RBMS3: variants seen among roughly 807,000 people sequenced by gnomAD.
RBMS3 encodes RNA binding motif single stranded interacting protein 3.
Under a neutral mutation model 66.8 loss-of-function variants are expected in RBMS3, and 27 were observed. The ratio of observed to expected loss-of-function variants is 0.40; its 90% CI spans 0.30 to 0.56. The LOEUF (loss-of-function observed/expected upper bound fraction) is 0.56, where lower values mean the gene tolerates loss of function less well. Among genes scored for constraint, RBMS3 ranks in the 20% least tolerant of loss-of-function variants. RBMS3 has a pLI of 0.40. For synonymous variants in RBMS3, 188 were observed against 183.0 expected (o/e 1.03, Z -0.22); for missense variants, 513 against 549.5 (o/e 0.93, Z 0.66).
chr3:29,675,259 T>G (rs2051194412), intron 4 of RBMS3, among the ~76,000 whole-genome samples: 1 of 152,162 alleles, frequency 6.6e-6, no homozygotes, highest in South Asian at 2.1e-4. Flanking sequence ...TCCTTACACC[T>G]TATACAACAA....
At chr3:29,702,768 G>A (rs1236254395) in intron 4 of RBMS3, among the ~76,000 whole-genome samples, 2 of 152,152 alleles carry the variant, frequency 1.3e-5, no homozygotes, top group African/African-American at 4.8e-5. Flanking sequence ...TGAAGCCAGC[G>A]AGACCACGAA....
chr3:29,555,485 G>A (rs535337822), intron 3 of RBMS3, among the ~76,000 whole-genome samples: 4 of 152,060 alleles, frequency 2.6e-5, no homozygotes, highest in African/African-American at 7.2e-5. Flanking sequence ...CAAGTAATCC[G>A]TCTGCTTGAG....
intron 1 of RBMS3, among the ~76,000 whole-genome samples, chr3:29,415,204 A>T (rs4680832): frequency 0.1 from 15,973 of 152,274 alleles, 1,161 homozygotes; most frequent in East Asian, 0.29. Flanking sequence ...TTGGATGTTT[A>T]GACAGAAAAC....
chr3:29,367,479 C>T (rs1451906199), intron 1 of RBMS3, among the ~76,000 whole-genome samples: 3 of 151,998 alleles, frequency 2.0e-5, no homozygotes, highest in African/African-American at 7.2e-5. Context: ...TTGGTATAAT[C>T]ACAGATGTTT....
At chr3:29,930,105 C>CTTTTTTT (rs2061071164) in intron 10 of RBMS3, among the ~76,000 whole-genome samples, 3 of 27,380 alleles carry the variant, frequency 1.1e-4, no homozygotes, top group African/African-American at 3.1e-4. Context: ...ACTTTTCTTT[C>CTTTTTTT]TTTCTTTTTT....
At chr3:29,491,713 G>T (rs1165780209) in intron 3 of RBMS3, among the ~76,000 whole-genome samples, 1 of 152,214 alleles carries the variant, frequency 6.6e-6, no homozygotes, top group African/African-American at 2.4e-5. Context: ...CAGCGGTTAG[G>T]CCGGGCGCAG....
At chr3:29,656,737 C>A (rs1394222154) in intron 4 of RBMS3, among the ~76,000 whole-genome samples, 2 of 152,166 alleles carry the variant, frequency 1.3e-5, no homozygotes, top group Non-Finnish European at 2.9e-5. Context: ...ACCTAAGGCT[C>A]TGACCCATAA....
chr3:29,928,980 G>A (rs2061031815), intron 10 of RBMS3, among the ~76,000 whole-genome samples: 1 of 152,152 alleles, frequency 6.6e-6, no homozygotes, highest in Admixed American at 6.6e-5. Flanking sequence ...CTTCTGAAGT[G>A]GCCTGGGATC....
chr3:29,767,156 G>C (rs1043082063), intron 6 of RBMS3: 13 of 151,884 alleles, frequency 8.6e-5, no homozygotes, highest in Admixed American at 3.3e-4. Flanking sequence ...GTGGGGCATG[G>C]ACTTGAAAGG....
intron 2 of RBMS3, among the ~76,000 whole-genome samples, chr3:29,447,997 C>T (rs1306961087): frequency 1.3e-5 from 2 of 152,080 alleles, no homozygotes; most frequent in Non-Finnish European, 2.9e-5. Flanking sequence ...ACAGGAATCT[C>T]GGGAAATCAA....
chr3:29,877,224 A>G (rs1201827899), intron 7 of RBMS3, among the ~76,000 whole-genome samples: 1 of 152,144 alleles, frequency 6.6e-6, no homozygotes, highest in Admixed American at 6.5e-5. Context: ...AAGAAAGTGA[A>G]TGTCACCACT....
rs373646809 is a variant in RBMS3 at position 30,007,855 on chromosome 3, G to C, written c.*3993G>C. 4 of 152,074 alleles carry C rather than the reference G, an allele frequency of 2.6e-5. No homozygotes were observed. The highest frequency in any genetic ancestry group is 9.6e-5 in the African/African-American group (4 of 41,516). 9.4% of individuals were successfully genotyped at this position (152,074 alleles called of 1,614,324 possible). A position where few individuals can be genotyped will look rare whatever the true frequency, so the allele number is the denominator to read the frequency against. ...TTCCTCCTGTGACCTTAGCAGATCT[G>C]TCACATTTGAAAGCATATGACTCAC... On this transcript the variant is annotated 3_prime_UTR_variant, in exon 15 of 15. Coordinates refer to ENST00000383767, the MANE Select transcript of RBMS3 (RefSeq NM_001003793.3).
chr3:29,985,241 C>CG (rs1325679677), intron 12 of RBMS3, among the ~76,000 whole-genome samples: 2 of 152,182 alleles, frequency 1.3e-5, no homozygotes, highest in African/African-American at 2.4e-5. Flanking sequence ...ACACCAAGCG[C>CG]CAGCATCCCA....
At chr3:29,980,320 T>A (rs1342021558) in intron 12 of RBMS3, among the ~76,000 whole-genome samples, 1 of 152,248 alleles carries the variant, frequency 6.6e-6, no homozygotes, top group Non-Finnish European at 1.5e-5. Context: ...TACTTGTAGA[T>A]TCTGGATATT....
At chr3:29,431,198 T>C (rs1441519620) in intron 1 of RBMS3, among the ~76,000 whole-genome samples, 1 of 152,182 alleles carries the variant, frequency 6.6e-6, no homozygotes, top group Admixed American at 6.5e-5. Flanking sequence ...TCCTGTATAA[T>C]TCATTTTAAA....
chr3:29,587,245 TTTTTGTGTGTGTGTGTG>T lies in RBMS3; in HGVS notation c.399+42_399+58del. 6.2e-6 allele frequency: 5 copies of T among 803,848 alleles called. No homozygotes were observed. In the South Asian group the frequency reaches 6.6e-5, roughly 11 times the overall value. The allele number at this position is 803,848 out of a possible 1,614,324, so 49.8% of individuals were successfully genotyped here. A position where few individuals can be genotyped will look rare whatever the true frequency, so the allele number is the denominator to read the frequency against. ...TAGGGGTGTTTTTTTTTTTTTTTTT[TTTTTGTGTGTGTGTGTG>T]TGTGTGTGTGTGTGTGAAAGAGAGA... is the stretch of plus-strand genomic sequence containing the variant. On this transcript the variant is annotated intron_variant, in intron 4 of 14. Coordinates refer to ENST00000383767, the MANE Select transcript of RBMS3 (RefSeq NM_001003793.3).
chr3:29,829,795 T>TA (rs749686488), intron 6 of RBMS3, among the ~76,000 whole-genome samples: 4 of 151,512 alleles, frequency 2.6e-5, no homozygotes, highest in Non-Finnish European at 5.9e-5. Context: ...TCAATGGTCT[T>TA]ACAGCAGACT....
chr3:29,974,722 C>G (rs1292019754), intron 12 of RBMS3, among the ~76,000 whole-genome samples: 8 of 150,168 alleles, frequency 5.3e-5, no homozygotes, highest in Non-Finnish European at 7.4e-5. Flanking sequence ...TTCTTTAATT[C>G]AACATTGTAT....
chr3:29,804,599 C>CT (rs2149447894), intron 6 of RBMS3, among the ~76,000 whole-genome samples: 1 of 152,072 alleles, frequency 6.6e-6, no homozygotes, highest in East Asian at 1.9e-4. Context: ...GACACAAAGC[C>CT]TATACTTCTA....
Sources: allele counts gnomAD v4.1 joint callset (sites outside exome capture counted in the v4.1 genomes callset), GRCh38; gene constraint gnomAD v4.1.1; transcripts MANE v1.5; gene names NCBI Gene and HGNC (gene_info 2026-07-23, HGNC 2026-07-21).